Variants in NDRG3 observed in about 807,000 individuals in gnomAD.
NDRG3 encodes the protein NDRG family member 3.
Under a neutral mutation model 57.2 loss-of-function variants are expected in NDRG3, and 23 were observed. The ratio of observed to expected loss-of-function variants is 0.40; its 90% CI spans 0.29 to 0.57. The LOEUF (loss-of-function observed/expected upper bound fraction) is 0.57, where lower values mean the gene tolerates loss of function less well. Among genes scored for constraint, NDRG3 ranks in the 20% least tolerant of loss-of-function variants. The probability of loss-of-function intolerance (pLI) is 0.42; values close to 1 mark genes in which losing one functional copy is unlikely to be tolerated. For synonymous variants in NDRG3, 132 were observed against 162.6 expected (o/e 0.81, Z 1.43); for missense variants, 384 against 457.3 (o/e 0.84, Z 1.46).
intron 3 of NDRG3, among the ~76,000 whole-genome samples, chr20:36,696,121 AG>A (rs2148144141): frequency 6.6e-6 from 1 of 152,016 alleles, no homozygotes; most frequent in African/African-American, 2.4e-5. Context: ...TTTGAGATGG[AG>A]TTTCACTCTT....
intron 1 of NDRG3, among the ~76,000 whole-genome samples, chr20:36,739,060 G>A (rs1226765458): frequency 6.8e-6 from 1 of 148,104 alleles, no homozygotes; most frequent in Admixed American, 6.8e-5. Context: ...GCTTGAACTC[G>A]GGAGGCAGAG....
intron 3 of NDRG3, among the ~76,000 whole-genome samples, chr20:36,691,515 A>G (rs2148128292): frequency 6.6e-6 from 1 of 152,322 alleles, no homozygotes; most frequent in East Asian, 1.9e-4. Flanking sequence ...GGAGTTCAAG[A>G]CTAGCCTGTC....
intron 9 of NDRG3, chr20:36,668,817 A>G (rs751869015): frequency 2.0e-5 from 3 of 151,426 alleles, no homozygotes; most frequent in Non-Finnish European, 4.4e-5. Context: ...GATAAATTGT[A>G]TATATAGCGA....
intron 1 of NDRG3, among the ~76,000 whole-genome samples, chr20:36,727,802 A>C (rs550290237): frequency 6.6e-6 from 1 of 152,032 alleles, no homozygotes; most frequent in South Asian, 2.1e-4. Flanking sequence ...CAGCCTCCCA[A>C]AGTGCTGGGA....
chr20:36,721,074 C>A (rs1289654478), intron 2 of NDRG3, among the ~76,000 whole-genome samples: 1 of 151,958 alleles, frequency 6.6e-6, no homozygotes, highest in Non-Finnish European at 1.5e-5. Flanking sequence ...CTGCGCCCAG[C>A]CCCACCCTCA....
At chr20:36,712,572 TATATATATATATA>T (rs1421711032) in intron 2 of NDRG3, among the ~76,000 whole-genome samples, 4 of 17,922 alleles carry the variant, frequency 2.2e-4, no homozygotes, top group African/African-American at 7.1e-4. Flanking sequence ...TATATATATA[TATATATATATATA>T]TATTTTTTTT....
chr20:36,735,235 CA>C lies in NDRG3; in HGVS notation c.-49+10809del, dbSNP rs552090375. On this transcript the variant is annotated intron_variant, in intron 1 of 15. Transcript: ENST00000349004. ...GTTGAGCATCTCTAATCTGAAAATC[CA>C]AAATCCGAAGTGCTTCAAAATCCAA... 3.6e-3 allele frequency among the ~76,000 whole-genome samples: 552 copies of C among 152,262 alleles called. 2 individuals carry two copies. Among genetic ancestry groups the C allele is most frequent in the South Asian group, 0.022 (106 of 4,826 alleles).
Position 36,687,520 on chromosome 20 carries a change from G to A in NDRG3, c.292C>T (p.Gln98Ter). The A allele has an allele frequency of 6.2e-7, 1 of 1,613,958 alleles. No individual in the cohort carries two copies. The highest frequency in any genetic ancestry group is 8.5e-7 in the Non-Finnish European group (1 of 1,179,976). ...GTTGGGAAAGAGGGTGCACCTTCCT[G>A]CTGGCCTGGGGCATCCACATGACAG... is the stretch of plus-strand genomic sequence containing the variant. ...AVCHVDAPGQ[Q>*]EGAPSFPTGY... The change falls in exon 5 of 16, where the codon CAG becomes TAG. Residue 98 changes from glutamine (Q) to a stop codon, truncating the protein, a stop_gained. Transcript: ENST00000349004. LOFTEE classifies it high-confidence loss of function.
rs12479762 is a variant in NDRG3, at chr20:36,688,211, G to T, written c.199+468C>A. 2.1e-3 allele frequency among the ~76,000 whole-genome samples: 327 copies of T among 152,354 alleles called. 1 individual carries two copies. In the Middle Eastern group the frequency reaches 0.024, roughly 11 times the overall value. ...GCATGAAAGAAAACACATGTATGCA[G>T]ACTCTGTGTGTCTATGGCTGGGGCC... is the stretch of plus-strand genomic sequence containing the variant. On this transcript the variant is annotated intron_variant, in intron 4 of 15. Coordinates refer to ENST00000349004, the MANE Select transcript of NDRG3 (RefSeq NM_032013.4).
At position 36,710,207 on chromosome 20, in the gene NDRG3, C is replaced by G. The variant is rs377074475; in HGVS notation, c.58-3200G>C. On this transcript the variant is annotated intron_variant, in intron 2 of 15. Transcript: ENST00000349004. Reference sequence around the variant, plus strand: ...AGCGTGGTAGTGCATGCTTATAGTCCCAGCTACTTGAGGGGCTGAGGTGGG... The same window carrying G: ...AGCGTGGTAGTGCATGCTTATAGTCGCAGCTACTTGAGGGGCTGAGGTGGG... 3.3e-5 allele frequency among the ~76,000 whole-genome samples: 5 copies of G among 152,112 alleles called. No homozygotes were observed. In the East Asian group the frequency reaches 9.7e-4, roughly 29 times the overall value.
chr20:36,724,693 G>A (rs767848389), intron 1 of NDRG3, among the ~76,000 whole-genome samples: 6 of 150,934 alleles, frequency 4.0e-5, no homozygotes, highest in South Asian at 2.1e-4. Context: ...TTTGGGAGGC[G>A]GAGATGGATG....
chr20:36,713,654 A>G (rs1416857693), intron 2 of NDRG3, among the ~76,000 whole-genome samples: 1 of 152,192 alleles, frequency 6.6e-6, no homozygotes. Context: ...GGGTGAATTT[A>G]CCTGTTCTGT....
chr20:36,714,683 G>A (rs1309665575), intron 2 of NDRG3, among the ~76,000 whole-genome samples: 8 of 150,702 alleles, frequency 5.3e-5, no homozygotes, highest in East Asian at 2.0e-4. Flanking sequence ...GTGCAATCTC[G>A]GCTTATTGTA....
In NDRG3 at chr20:36,741,064, T is replaced by G. The variant is rs1156565294; in HGVS notation, c.-49+4981A>C. ...GTAAACCCAAAATGTTATCAATCTT[T>G]GCACTTGAAAGTACTTTTTGATGCA... On this transcript the variant is annotated intron_variant, in intron 1 of 15. Coordinates refer to ENST00000349004, the MANE Select transcript of NDRG3 (RefSeq NM_032013.4). Among the ~76,000 whole-genome samples, 8 of 152,214 alleles carry G rather than the reference T, an allele frequency of 5.3e-5. No individual in the cohort carries two copies. The East Asian group carries it at 1.5e-3, about 29-fold the overall frequency.
chr20:36,688,916 G>A (rs1982026032), intron 3 of NDRG3, 132 bp from the exon 4 acceptor site: 1 of 685,042 alleles, frequency 1.5e-6, no homozygotes, highest in Admixed American at 2.2e-5. Context: ...ACATGTGGCT[G>A]GGCGTGGTGG....
chr20:36,694,548 A>G (rs1982610410), intron 3 of NDRG3, among the ~76,000 whole-genome samples: 1 of 152,132 alleles, frequency 6.6e-6, no homozygotes, highest in Admixed American at 6.6e-5. Context: ...TGTGGTGTCT[A>G]CTAGCTCTTA....
At chr20:36,710,700 G>A (rs1983815073) in intron 2 of NDRG3, among the ~76,000 whole-genome samples, 1 of 151,932 alleles carries the variant, frequency 6.6e-6, no homozygotes, top group African/African-American at 2.4e-5. Flanking sequence ...CCAGCTACTC[G>A]GGAGGCTGAG....
chr20:36,687,344 G>T, intron 5 of NDRG3, 148 bp downstream of exon 5: 2 of 1,009,634 alleles, frequency 2.0e-6, no homozygotes, highest in South Asian at 1.7e-5. Context: ...TCAGCCCAAG[G>T]AGAGAAAATA....
intron 3 of NDRG3, chr20:36,700,567 A>T: frequency 2.0e-6 from 1 of 504,916 alleles, no homozygotes; most frequent in Non-Finnish European, 4.0e-6. Flanking sequence ...TGCAGGGAGT[A>T]ACGTGCTGTT....
Sources: gnomAD v4.1 joint callset for allele counts (sites outside exome capture counted in the v4.1 genomes callset) on GRCh38, gnomAD v4.1.1 for gene constraint, MANE v1.5 for transcripts, NCBI Gene and HGNC (gene_info 2026-07-23, HGNC 2026-07-21) for gene names.